SLC35D1: variants seen among roughly 807,000 people sequenced by gnomAD.
SLC35D1 encodes solute carrier family 35 member D1.
Under a neutral mutation model 46.7 loss-of-function variants are expected in SLC35D1, and 31 were observed. The ratio of observed to expected loss-of-function variants is 0.66; its 90% CI spans 0.50 to 0.90. The LOEUF is 0.90. Among genes scored for constraint, SLC35D1 ranks in the 40% least tolerant of loss-of-function variants. The probability of loss-of-function intolerance (pLI) is 0.00; values close to 1 mark genes in which losing one functional copy is unlikely to be tolerated. For missense variants in SLC35D1, 397 were observed against 426.2 expected, an observed-to-expected ratio of 0.93 and a Z score of 0.60; for synonymous variants, 195 against 164.6, an observed-to-expected ratio of 1.18 and a Z score of -1.41.
At chr1:66,995,907 T>C (rs936623716), downstream of SLC35D1, among the ~76,000 whole-genome samples, 2 of 152,228 alleles carry the variant, frequency 1.3e-5, no homozygotes, top group Admixed American at 1.3e-4. Context: ...GAAGGATAAA[T>C]AGGCAGATAT....
At chr1:67,053,119 A>C in intron 1 of SLC35D1, 130 bp from the exon 2 acceptor site, 1 of 1,095,562 alleles carries the variant, frequency 9.1e-7, no homozygotes. Flanking sequence ...CCCTAAATCA[A>C]ACAAAAATCT....
intron 11 of SLC35D1, 21 bp downstream of exon 11, chr1:67,009,059 CAATTT>C: frequency 2.7e-6 from 3 of 1,119,872 alleles, no homozygotes; most frequent in African/African-American, 3.1e-5. Context: ...TCCGATTTTG[CAATTT>C]AATTAAATAT....
chr1:66,989,320 G>T, the SLC35D1 span, among the ~76,000 whole-genome samples: 3 of 152,192 alleles, frequency 2.0e-5, no homozygotes, highest in African/African-American at 7.2e-5. Context: ...TAACATGAAT[G>T]GTTGACTGAA....
chr1:67,004,367 C>T lies in SLC35D1; in HGVS notation c.1041G>A (p.Leu347=). Residue 347 remains leucine (L), a synonymous_variant, in exon 12 of 12, where the codon CTG becomes CTA. Transcript: ENST00000235345. ...ACACTGCTCCTTTCCCCTTAATGTC[C>T]AGCTTGTTATTAGCCTCTGACTGTT... ...LSKQSEANNK[L]DIKGKGAV is the part of the protein sequence containing the mutation. 6.2e-7 allele frequency: 1 copy of T among 1,614,030 alleles called. No individual in the cohort carries two copies.
chr1:67,004,304 A>C lies in SLC35D1; in HGVS notation c.*36T>G, dbSNP rs751172967. The C allele has an allele frequency of 6.3e-7, 1 of 1,578,586 alleles. No individual in the cohort carries two copies. Among genetic ancestry groups the C allele is most frequent in the Non-Finnish European group, 8.7e-7 (1 of 1,148,026 alleles). On this transcript the variant is annotated 3_prime_UTR_variant, in exon 12 of 12. Transcript: ENST00000235345. ...TGCCAGTGTTCTGAGTTGATTAAAAACTTAGGCCTACGTATCAGATGAAGC... is the reference window on the plus strand; with the variant it reads ...TGCCAGTGTTCTGAGTTGATTAAAACCTTAGGCCTACGTATCAGATGAAGC...
intron 8 of SLC35D1, among the ~76,000 whole-genome samples, chr1:67,022,183 A>T (rs1390976326): frequency 6.6e-6 from 1 of 152,210 alleles, no homozygotes; most frequent in Non-Finnish European, 1.5e-5. Context: ...ATAAAGAGAA[A>T]TGAAAGGGTA....
intron 10 of SLC35D1, among the ~76,000 whole-genome samples, chr1:67,019,060 G>A (rs1422655845): frequency 6.6e-6 from 1 of 152,096 alleles, no homozygotes; most frequent in Non-Finnish European, 1.5e-5. Context: ...ATATCAAAAG[G>A]AAAGTATAAA....
rs1209053629 is a variant in SLC35D1, at chr1:67,000,202, G to A, written c.*4138C>T. On this transcript the variant is annotated 3_prime_UTR_variant, in exon 12 of 12. Coordinates refer to ENST00000235345, the MANE Select transcript of SLC35D1 (RefSeq NM_015139.3). ...AGGCTAAGGCAGGAGGATCACTTGAGCCTAGGAGTTTGAGACTGTGGTGAG... is the reference window on the plus strand; with the variant it reads ...AGGCTAAGGCAGGAGGATCACTTGAACCTAGGAGTTTGAGACTGTGGTGAG... 6.6e-6 allele frequency: 1 copy of A among 151,474 alleles called. No homozygotes were observed. The highest frequency in any genetic ancestry group is 1.5e-5 in the Non-Finnish European group (1 of 67,980). The allele number at this position is 151,474 out of a possible 1,614,324, so 9.4% of individuals were successfully genotyped here.
the SLC35D1 span, among the ~76,000 whole-genome samples, chr1:66,980,023 C>G: frequency 6.6e-6 from 1 of 152,324 alleles, no homozygotes; most frequent in South Asian, 2.1e-4. Context: ...CTCGGCCTCC[C>G]AAAGTGCTGG....
Position 66,999,806 on chromosome 1 carries a change from T to C in SLC35D1, c.*4534A>G, listed in dbSNP as rs757234207. On this transcript the variant is annotated 3_prime_UTR_variant, in exon 12 of 12. Transcript: ENST00000235345. ...GTAATGGTGCCAGGGACTCACAATATATGACAACTGAGACAGGCCTGGAAG... is the reference window on the plus strand; with the variant it reads ...GTAATGGTGCCAGGGACTCACAATACATGACAACTGAGACAGGCCTGGAAG... The C allele has an allele frequency of 6.6e-6, 1 of 151,876 alleles. No individual in the cohort carries two copies. Among genetic ancestry groups the C allele is most frequent in the Non-Finnish European group, 1.5e-5 (1 of 68,026 alleles). 9.4% of individuals were successfully genotyped at this position (151,876 alleles called of 1,614,324 possible).
At chr1:66,975,467 C>T in the SLC35D1 span, among the ~76,000 whole-genome samples, 1 of 151,712 alleles carries the variant, frequency 6.6e-6, no homozygotes, top group Non-Finnish European at 1.5e-5. Flanking sequence ...GGCAAGGCTG[C>T]AGTTAGCGGT....
chr1:67,032,089 CT>C (rs1668028151), intron 8 of SLC35D1: 24 of 985,378 alleles, frequency 2.4e-5, no homozygotes, highest in Non-Finnish European at 2.9e-5. Flanking sequence ...AATCTTCGGT[CT>C]TGGCTGACTG....
rs1667344826 is a variant in SLC35D1, at chr1:67,001,745, C to T, written c.*2595G>A. The T allele has an allele frequency of 6.6e-6, 1 of 152,348 alleles. No homozygotes were observed. The highest frequency in any genetic ancestry group is 1.5e-5 in the Non-Finnish European group (1 of 68,056). 9.4% of individuals were successfully genotyped at this position (152,348 alleles called of 1,614,324 possible). ...GCCTGCAATAATCAAAACGCAAACT[C>T]CAAAAGACTATTCAGTCTCCAGCTT... is the stretch of plus-strand genomic sequence containing the variant. On this transcript the variant is annotated 3_prime_UTR_variant, in exon 12 of 12. Transcript: ENST00000235345.
the SLC35D1 span, chr1:66,985,389 ATCTT>A: frequency 1.0e-6 from 1 of 984,154 alleles, no homozygotes; most frequent in Non-Finnish European, 1.2e-6. Flanking sequence ...CAGTTTGAGT[ATCTT>A]TATTAAGGAA....
At position 67,003,103 on chromosome 1, in the gene SLC35D1, C is replaced by A. The variant is rs556567704; in HGVS notation, c.*1237G>T. ...GAGGGAAGTTTGCTCATTGCTCATG[C>A]CATTTAAGAAGGAAGATGATAGCTC... On this transcript the variant is annotated 3_prime_UTR_variant, in exon 12 of 12. Transcript: ENST00000235345. 14 of 152,398 alleles carry A rather than the reference C, an allele frequency of 9.2e-5. No homozygotes were observed. Among genetic ancestry groups the A allele is most frequent in the Non-Finnish European group, 1.8e-4 (12 of 68,044 alleles). The allele number at this position is 152,398 out of a possible 1,614,324, so 9.4% of individuals were successfully genotyped here. A position where few individuals can be genotyped will look rare whatever the true frequency, so the allele number is the denominator to read the frequency against.
Position 67,047,264 on chromosome 1 carries a change from C to T in SLC35D1, c.636+1G>A. On this transcript the variant is annotated splice_donor_variant, in intron 7 of 11. Coordinates refer to ENST00000235345, the MANE Select transcript of SLC35D1 (RefSeq NM_015139.3). LOFTEE classifies it high-confidence loss of function. Reference sequence around the variant, plus strand: ...TGTTAAAGCTTTAGATTGCTACTTACTTTTGAATCTAATTTTTGTTTTACG... The same window carrying T: ...TGTTAAAGCTTTAGATTGCTACTTATTTTTGAATCTAATTTTTGTTTTACG... 1.9e-6 allele frequency: 3 copies of T among 1,609,042 alleles called. No homozygotes were observed. Among genetic ancestry groups the T allele is most frequent in the Non-Finnish European group, 2.6e-6 (3 of 1,176,444 alleles).
intron 10 of SLC35D1, among the ~76,000 whole-genome samples, chr1:67,017,679 T>C (rs1053561750): frequency 1.3e-5 from 2 of 152,162 alleles, no homozygotes; most frequent in African/African-American, 4.8e-5. Flanking sequence ...CTCTATACAC[T>C]ACTCCAGACA....
chr1:67,040,670 T>A (rs1424628990), intron 8 of SLC35D1, among the ~76,000 whole-genome samples: 1 of 152,192 alleles, frequency 6.6e-6, no homozygotes, highest in Non-Finnish European at 1.5e-5. Context: ...TTCCTGGTAT[T>A]TGCCCATTTA....
intron 8 of SLC35D1, among the ~76,000 whole-genome samples, chr1:67,025,819 A>T (rs956437826): frequency 6.6e-6 from 1 of 152,190 alleles, no homozygotes; most frequent in Non-Finnish European, 1.5e-5. Flanking sequence ...AAGCTATTAT[A>T]AGTGGTATTT....
Sources: allele counts gnomAD v4.1 joint callset (sites outside exome capture counted in the v4.1 genomes callset), GRCh38; gene constraint gnomAD v4.1.1; transcripts MANE v1.5; gene names NCBI Gene and HGNC (gene_info 2026-07-23, HGNC 2026-07-21).